UVSSA: variants seen among roughly 807,000 people sequenced by gnomAD.
UVSSA encodes the protein UV-stimulated scaffold protein A.
Under a neutral mutation model 73.9 loss-of-function variants are expected in UVSSA, and 72 were observed. The observed-to-expected ratio is 0.97, with a 90% CI of 0.81 to 1.19. The LOEUF is 1.19. UVSSA is among the 50% of genes most tolerant of loss of function. The pLI is 0.00. For missense variants in UVSSA, 1,150 were observed against 965.0 expected (o/e 1.19, Z -2.54); for synonymous variants, 454 against 391.3 (o/e 1.16, Z -1.89).
chr4:1,346,723 GGTGAAGGGACCTGGCT>G (rs1483027793), upstream of UVSSA, among the ~76,000 whole-genome samples: 1 of 152,102 alleles, frequency 6.6e-6, no homozygotes, highest in Non-Finnish European at 1.5e-5. Context: ...GCCCTCTGCA[GGTGAAGGGACCTGGCT>G]GCGAGCCCGC....
intron 8 of UVSSA, among the ~76,000 whole-genome samples, chr4:1,370,408 C>A (rs1168991454): frequency 6.6e-6 from 1 of 152,234 alleles, no homozygotes; most frequent in Non-Finnish European, 1.5e-5. Context: ...CCCGGTGTCT[C>A]CCGGGTGCGC....
intron 8 of UVSSA, among the ~76,000 whole-genome samples, chr4:1,366,887 G>T (rs1717400270): frequency 6.6e-6 from 1 of 152,220 alleles, no homozygotes; most frequent in Admixed American, 6.5e-5. Context: ...CCTGCTCAGG[G>T]ACAGAAAGGT....
chr4:1,367,992 C>T (rs1224529792), intron 8 of UVSSA, among the ~76,000 whole-genome samples: 3 of 152,276 alleles, frequency 2.0e-5, no homozygotes, highest in Non-Finnish European at 2.9e-5. Context: ...CTGCAATCTC[C>T]TTCATGGCTC....
At chr4:1,377,301 G>A (rs1718895397) in intron 10 of UVSSA, among the ~76,000 whole-genome samples, 1 of 152,192 alleles carries the variant, frequency 6.6e-6, no homozygotes, top group African/African-American at 2.4e-5. Flanking sequence ...CCGGGGTTCT[G>A]CTGGGCTCAC....
In UVSSA at chr4:1,354,823, GC is replaced by G; in HGVS notation, c.1025del (p.Pro342ArgfsTer20). 6.2e-7 allele frequency: 1 copy of G among 1,612,968 alleles called. No individual in the cohort carries two copies. Among genetic ancestry groups the G allele is most frequent in the Non-Finnish European group, 8.5e-7 (1 of 1,179,730 alleles). Reference protein sequence around the residue: ...TLKLIRNKFLPAVCSWIQRFT... With the variant: ...TLKLIRNKFLXAVCSWIQRFT... ...TCAAGCTCATCCGGAACAAGTTCCT[GC>G]CGGCTGTGTGCTCGTGGATCCAGGT... is the stretch of plus-strand genomic sequence containing the variant. On this transcript the variant is annotated frameshift_variant, in exon 6 of 14. Coordinates refer to ENST00000389851, the MANE Select transcript of UVSSA (RefSeq NM_020894.4). LOFTEE classifies it high-confidence loss of function.
At chr4:1,369,200 T>G (rs1382879957) in intron 8 of UVSSA, among the ~76,000 whole-genome samples, 1 of 152,236 alleles carries the variant, frequency 6.6e-6, no homozygotes. Context: ...TTGGCGGCCT[T>G]GCTGGGAGTC....
intron 8 of UVSSA, among the ~76,000 whole-genome samples, chr4:1,374,136 C>T (rs1054791048): frequency 1.3e-5 from 2 of 152,218 alleles, no homozygotes; most frequent in Non-Finnish European, 1.5e-5. Flanking sequence ...GGCAGCTCTC[C>T]GAAGTCTGGC....
At chr4:1,395,479 A>T (rs769430219) in exon 14 of UVSSA, 4 of 1,441,546 alleles carry the variant, frequency 2.8e-6, no homozygotes, top group Non-Finnish European at 3.7e-6. Flanking sequence ...CCGCCTGCTC[A>T]CACGTGCCAT....
chr4:1,350,063 G>C (rs1488659381), intron 3 of UVSSA, among the ~76,000 whole-genome samples: 1 of 152,204 alleles, frequency 6.6e-6, no homozygotes, highest in Non-Finnish European at 1.5e-5. Context: ...GGGCGGCGCA[G>C]CTCTGAGAGG....
At chr4:1,378,152 C>T (rs968234997) in intron 10 of UVSSA, among the ~76,000 whole-genome samples, 11 of 152,160 alleles carry the variant, frequency 7.2e-5, no homozygotes, top group Non-Finnish European at 1.0e-4. Context: ...CAAGATGATG[C>T]GGGTCCGGGA....
chr4:1,352,897 ATT>A, intron 4 of UVSSA, 131 bp from the exon 5 acceptor site: 3 of 1,244,976 alleles, frequency 2.4e-6, no homozygotes, highest in Non-Finnish European at 3.3e-6. Flanking sequence ...GTGAGCTGTG[ATT>A]GCACCACTGC....
rs375901432 is a variant in UVSSA at position 1,356,806 on chromosome 4, G to C, written c.1176+1561G>C. ...TGAGGCCCTTTCAAGGTCACTGCCC[G>C]GTCTCCACGGCATGGGCAAGGCTTG... On this transcript the variant is annotated intron_variant, in intron 7 of 13. Transcript: ENST00000389851. 3.3e-5 allele frequency: 5 copies of C among 152,484 alleles called. No individual in the cohort carries two copies. The East Asian group carries it at 9.6e-4, about 29-fold the overall frequency. 9.4% of individuals were successfully genotyped at this position (152,484 alleles called of 1,614,324 possible). A position where few individuals can be genotyped will look rare whatever the true frequency, so the allele number is the denominator to read the frequency against.
In UVSSA at chr4:1,387,070, A is replaced by G. The variant is rs1236492363; in HGVS notation, c.*1109A>G. ...CTAGATCCTCATGTGATTTGCAAAA[A>G]CTTTATTTATTTATTTATTTATTTT... On this transcript the variant is annotated 3_prime_UTR_variant, in exon 14 of 14. Transcript: ENST00000389851. The G allele has an allele frequency of 1.3e-5, 2 of 150,688 alleles. No individual in the cohort carries two copies. The highest frequency in any genetic ancestry group is 1.5e-5 in the Non-Finnish European group (1 of 67,808). 9.3% of individuals were successfully genotyped at this position (150,688 alleles called of 1,614,324 possible).
intron 7 of UVSSA, among the ~76,000 whole-genome samples, chr4:1,364,297 C>T (rs1349683975): frequency 7.2e-6 from 1 of 139,160 alleles, no homozygotes; most frequent in South Asian, 2.3e-4. Context: ...GCCCGGGCCC[C>T]GTGGCATTGT....
At chr4:1,354,991 G>A (rs1323090063) in intron 6 of UVSSA, 126 bp from the exon 7 acceptor site, 4 of 1,530,518 alleles carry the variant, frequency 2.6e-6, no homozygotes, top group Non-Finnish European at 2.6e-6. Context: ...CCGCAGCTTT[G>A]TCCTCTGCAT....
chr4:1,380,761 T>C (rs1294523915), intron 11 of UVSSA, 119 bp from the exon 12 acceptor site: 16 of 1,572,546 alleles, frequency 1.0e-5, no homozygotes, highest in East Asian at 2.3e-5. Context: ...GTGTACACTT[T>C]GGCTCTGTGA....
At chr4:1,344,132 C>T (rs943480089), upstream of UVSSA, among the ~76,000 whole-genome samples, 2 of 152,000 alleles carry the variant, frequency 1.3e-5, no homozygotes, top group Admixed American at 6.6e-5. Flanking sequence ...CTGACTGCTT[C>T]TAAGATTTGT....
intron 12 of UVSSA, among the ~76,000 whole-genome samples, chr4:1,382,117 G>A (rs1026346868): frequency 1.3e-5 from 2 of 152,236 alleles, no homozygotes; most frequent in Admixed American, 6.5e-5. Context: ...GTCATGAGAG[G>A]CAGATGTTGA....
At chr4:1,370,798 C>G (rs1227829053) in intron 8 of UVSSA, among the ~76,000 whole-genome samples, 4 of 152,232 alleles carry the variant, frequency 2.6e-5, no homozygotes, top group Non-Finnish European at 1.5e-5. Context: ...TGGCCCAAGT[C>G]AGAGGTGGCT....
Sources: gnomAD v4.1 joint callset for allele counts (sites outside exome capture counted in the v4.1 genomes callset) on GRCh38, gnomAD v4.1.1 for gene constraint, MANE v1.5 for transcripts, NCBI Gene and HGNC (gene_info 2026-07-23, HGNC 2026-07-21) for gene names.